The following KIF18A variants were observed in gnomAD, a reference collection of about 807,000 sequenced individuals.
The protein encoded by KIF18A is kinesin family member 18A, also known as kinesin-like protein KIF18A.
In KIF18A, 67 loss-of-function variants were observed where a neutral mutation model predicts 103.3. The ratio of observed to expected loss-of-function variants is 0.65; its 90% CI spans 0.53 to 0.79. The LOEUF is 0.79. Among genes scored for constraint, KIF18A ranks in the 30% least tolerant of loss-of-function variants. KIF18A has a pLI of 0.00. For synonymous variants in KIF18A, 367 were observed against 355.5 expected (o/e 1.03, Z -0.36); for missense variants, 1,032 against 1,062.5 (o/e 0.97, Z 0.40).
chr11:28,085,804 CCGCA>C (rs761179068), intron 6 of KIF18A, among the ~76,000 whole-genome samples: 12 of 152,244 alleles, frequency 7.9e-5, no homozygotes, highest in Non-Finnish European at 1.6e-4. Flanking sequence ...TCTCTCGTCT[CCGCA>C]CACGGGGAGG....
At position 28,090,683 on chromosome 11, in the gene KIF18A, G is replaced by T. The variant is rs1262989276; in HGVS notation, c.633C>A (p.Asn211Lys). The T allele has an allele frequency of 6.2e-7, 1 of 1,610,094 alleles. No homozygotes were observed. The highest frequency in any genetic ancestry group is 1.7e-5 in the Admixed American group (1 of 59,852). ...CAGTGGGATGTTGTGTCCTGTTTTT[G>T]TTTCCATTATCCAATAAATGTAAAA... The part of the protein sequence containing the change: ...EEILHLLDNG[N>K]KNRTQHPTDM... Residue 211 changes from asparagine (N) to lysine (K), a missense_variant, in exon 5 of 17, where the codon AAC becomes AAA. Coordinates refer to ENST00000263181, the MANE Select transcript of KIF18A (RefSeq NM_031217.4).
chr11:28,073,153 T>G (rs1270392957), intron 10 of KIF18A, among the ~76,000 whole-genome samples: 1 of 152,096 alleles, frequency 6.6e-6, no homozygotes, highest in Non-Finnish European at 1.5e-5. Context: ...GTCCATTCAT[T>G]GTGGTTCTGG....
At chr11:28,093,342 C>G (rs775166635) in intron 3 of KIF18A, among the ~76,000 whole-genome samples, 2 of 152,044 alleles carry the variant, frequency 1.3e-5, no homozygotes, top group African/African-American at 2.4e-5. Context: ...TTTTTAGCAA[C>G]ATATATGATT....
At chr11:28,053,293 T>C (rs2133517627) in intron 13 of KIF18A, among the ~76,000 whole-genome samples, 1 of 152,198 alleles carries the variant, frequency 6.6e-6, no homozygotes, top group East Asian at 1.9e-4. Flanking sequence ...TTTTGTTTTG[T>C]TTTTTGAAAT....
intron 6 of KIF18A, among the ~76,000 whole-genome samples, chr11:28,085,766 CTT>C (rs1354128296): frequency 2.0e-5 from 3 of 152,264 alleles, no homozygotes; most frequent in Non-Finnish European, 2.9e-5. Context: ...CTCTTTATCT[CTT>C]TGTCTTGTGT....
chr11:28,049,814 C>T (rs1336604718), intron 13 of KIF18A, among the ~76,000 whole-genome samples: 2 of 151,832 alleles, frequency 1.3e-5, no homozygotes, highest in African/African-American at 4.8e-5. Flanking sequence ...TTTTTAACAG[C>T]CTTATGACTC....
Position 28,069,397 on chromosome 11 carries a change from A to G in KIF18A, c.1452T>C (p.Leu484=). ...EKATGKRDHR[L]AMLKTRRSYL... is the part of the protein sequence containing the mutation. The stretch of plus-strand genomic sequence containing the variant: ...AGGAGCGACGAGTTTTCAACATTGC[A>G]AGTCTATGATCTCGTTTTCCAGTGG... The change falls in exon 11 of 17, where the codon CTT becomes CTC. Residue 484 remains leucine, a synonymous_variant. Transcript: ENST00000263181. 1 of 1,613,438 alleles carries G rather than the reference A, an allele frequency of 6.2e-7. No homozygotes were observed. The highest frequency in any genetic ancestry group is 8.5e-7 in the Non-Finnish European group (1 of 1,179,712).
intron 9 of KIF18A, among the ~76,000 whole-genome samples, chr11:28,077,876 GT>G (rs1257079194): frequency 6.6e-6 from 1 of 152,098 alleles, no homozygotes; most frequent in Non-Finnish European, 1.5e-5. Context: ...AAGATGAGGA[GT>G]TTGATTCATA....
chr11:28,090,629 A>C lies in KIF18A; in HGVS notation c.687T>G (p.His229Gln). 6.3e-7 allele frequency: 1 copy of C among 1,586,664 alleles called. No individual in the cohort carries two copies. The highest frequency in any genetic ancestry group is 8.7e-7 in the Non-Finnish European group (1 of 1,155,926). Reference sequence around the variant, plus strand: ...AGTGGCCTCTTACTTGGAAAACAGCATGAGAACGAGAAGATGTGGCATTCA... The same window carrying C: ...AGTGGCCTCTTACTTGGAAAACAGCCTGAGAACGAGAAGATGTGGCATTCA... ...TDMNATSSRS[H>Q]AVFQIYLRQQ... is the part of the protein sequence containing the mutation. The change falls in exon 5 of 17, where the codon CAT becomes CAG. Residue 229 changes from histidine to glutamine, a missense_variant. Physicochemically the swap from His to Gln is conservative, Grantham distance 24 (BLOSUM62 0). Coordinates refer to ENST00000263181, the MANE Select transcript of KIF18A (RefSeq NM_031217.4).
chr11:28,044,918 T>A (rs1173472762), intron 13 of KIF18A, among the ~76,000 whole-genome samples: 1 of 151,988 alleles, frequency 6.6e-6, no homozygotes, highest in African/African-American at 2.4e-5. Flanking sequence ...AACAGTGAAA[T>A]CATAATGAAA....
chr11:28,025,331 A>T (rs576009175), intron 15 of KIF18A, among the ~76,000 whole-genome samples: 23 of 152,214 alleles, frequency 1.5e-4, no homozygotes, highest in Non-Finnish European at 3.4e-4. Flanking sequence ...TGTATATATC[A>T]GCTGTCCAAG....
chr11:28,021,209 A>G lies in KIF18A; in HGVS notation c.2688T>C (p.Asn896=). The change falls in exon 17 of 17, where the codon AAT becomes AAC. Residue 896 remains asparagine, a synonymous_variant. Transcript: ENST00000263181. ...RKFGRNISKG[N]LR ...TTGGTTTTGAAGTGATTTATCTTAG[A>G]TTTCCTTTTGAAATATTTCTTCCAA... is the stretch of plus-strand genomic sequence containing the variant. 6.6e-7 allele frequency: 1 copy of G among 1,508,662 alleles called. No individual in the cohort carries two copies. 93.5% of individuals were successfully genotyped at this position (1,508,662 alleles called of 1,614,324 possible).
chr11:28,067,033 AT>A (rs1850940506), intron 11 of KIF18A, among the ~76,000 whole-genome samples: 1 of 151,866 alleles, frequency 6.6e-6, no homozygotes, highest in African/African-American at 2.4e-5. Flanking sequence ...CAGATGACAA[AT>A]TAAGACATCA....
intron 10 of KIF18A, among the ~76,000 whole-genome samples, chr11:28,072,285 T>A (rs557646648): frequency 2.6e-5 from 4 of 152,280 alleles, no homozygotes; most frequent in African/African-American, 9.6e-5. Flanking sequence ...GTAAAATAAT[T>A]GCTAATATGG....
chr11:28,076,532 T>C (rs1345406506), intron 10 of KIF18A: 2 of 152,232 alleles, frequency 1.3e-5, no homozygotes, highest in African/African-American at 4.8e-5. Flanking sequence ...TCTTGTGCAC[T>C]TAACTATGTA....
Position 28,036,243 on chromosome 11 carries a change from T to C in KIF18A, c.2370A>G (p.Pro790=), listed in dbSNP as rs553217899. 3.1e-6 allele frequency: 5 copies of C among 1,599,838 alleles called. No individual in the cohort carries two copies. In the African/African-American group the frequency reaches 6.7e-5, roughly 22 times the overall value. ...KCKLPEQESL[P]NDNKDILQRL... ...GTTGTAAAATGTCTTTGTTATCATT[T>C]GGTAGTGATTCTTGTTCGGGTAATT... The change falls in exon 14 of 17, where the codon CCA becomes CCG. Residue 790 remains proline (P), a synonymous_variant. Coordinates refer to ENST00000263181, the MANE Select transcript of KIF18A (RefSeq NM_031217.4).
Position 28,023,787 on chromosome 11 carries a change from T to C in KIF18A, c.2568A>G (p.Gln856=). 1 of 1,613,312 alleles carries C rather than the reference T, an allele frequency of 6.2e-7. No homozygotes were observed. Among genetic ancestry groups the C allele is most frequent in the Non-Finnish European group, 8.5e-7 (1 of 1,179,390 alleles). ...GTAAGTGCTTCTCACTTGAATTATC[T>C]TGTCGAACACGTTTGGCAAATCCAG... is the stretch of plus-strand genomic sequence containing the variant. ...VNSGFAKRVR[Q]DNSSEKHLQE... The change falls in exon 16 of 17, where the codon CAA becomes CAG. Residue 856 remains glutamine, a synonymous_variant. Coordinates refer to ENST00000263181, the MANE Select transcript of KIF18A (RefSeq NM_031217.4).
At chr11:28,091,578 T>G (rs899842254) in intron 3 of KIF18A, 65 bp from the exon 4 acceptor site, 2 of 750,780 alleles carry the variant, frequency 2.7e-6, no homozygotes, top group Admixed American at 2.5e-5. Flanking sequence ...ACATCACACA[T>G]ACACTGCTAA....
intron 15 of KIF18A, among the ~76,000 whole-genome samples, chr11:28,026,991 A>G (rs890140900): frequency 6.6e-6 from 1 of 151,806 alleles, no homozygotes; most frequent in Non-Finnish European, 1.5e-5. Context: ...ATAAATTTTA[A>G]ATTTACACAT....
Sources: allele counts gnomAD v4.1 joint callset (sites outside exome capture counted in the v4.1 genomes callset), GRCh38; gene constraint gnomAD v4.1.1; transcripts MANE v1.5; gene names NCBI Gene and HGNC (gene_info 2026-07-23, HGNC 2026-07-21).